The following MECR variants were observed in gnomAD, a reference collection of about 807,000 sequenced individuals.
MECR encodes enoyl-[acyl-carrier-protein] reductase, mitochondrial.
Under a neutral mutation model 49.1 loss-of-function variants are expected in MECR, and 37 were observed. The observed-to-expected ratio is 0.75, with a 90% CI of 0.58 to 0.99. MECR has a LOEUF of 0.99. Ranked by LOEUF, MECR falls within the 50% of genes least tolerant of loss-of-function variation. The pLI is 0.00. For synonymous variants in MECR, 198 were observed against 191.1 expected (o/e 1.04, Z -0.30); for missense variants, 470 against 479.6 (o/e 0.98, Z 0.19).
the MECR span, among the ~76,000 whole-genome samples, chr1:29,176,545 A>T: frequency 0.027 from 4,049 of 152,170 alleles, 161 homozygotes; most frequent in African/African-American, 0.093. Flanking sequence ...GAAACCAGCA[A>T]CCTGGAACAT....
chr1:29,181,801 GGCGGCGGGCAAAGCGAGAGCACGGCGGCA>G, the MECR span: 1 of 1,486,852 alleles, frequency 6.7e-7, no homozygotes, highest in Non-Finnish European at 9.0e-7. Context: ...CCCCTTAGGC[GGCGGCGGGCAAAGCGAGAGCACGGCGGCA>G]GCGGCGGCGG....
chr1:29,174,643 A>G, the MECR span, among the ~76,000 whole-genome samples: 1 of 151,280 alleles, frequency 6.6e-6, no homozygotes, highest in African/African-American at 2.4e-5. Context: ...CAGGAGAGGC[A>G]TAAGAAAAGG....
chr1:29,206,055 G>A (rs1486981742), intron 4 of MECR, among the ~76,000 whole-genome samples: 1 of 152,178 alleles, frequency 6.6e-6, no homozygotes, highest in Non-Finnish European at 1.5e-5. Context: ...CTGGACCTCA[G>A]TTTTCCCATT....
chr1:29,173,011 T>A, the MECR span: 1 of 152,100 alleles, frequency 6.6e-6, no homozygotes, highest in Non-Finnish European at 1.5e-5. Flanking sequence ...GACACAAAAT[T>A]GCACGTAAAA....
intron 3 of MECR, among the ~76,000 whole-genome samples, chr1:29,215,748 G>A (rs1018055370): frequency 1.3e-5 from 2 of 152,094 alleles, no homozygotes; most frequent in African/African-American, 4.8e-5. Context: ...GTAGGCGCCT[G>A]TAATCCCAGC....
chr1:29,228,646 T>C (rs1682709876), intron 1 of MECR, among the ~76,000 whole-genome samples: 1 of 152,082 alleles, frequency 6.6e-6, no homozygotes, highest in South Asian at 2.1e-4. Context: ...TAGAGGGAAA[T>C]TACTGAAGTT....
At chr1:29,178,302 TCTTCAAAGAC>T in the MECR span, among the ~76,000 whole-genome samples, 1 of 151,804 alleles carries the variant, frequency 6.6e-6, no homozygotes, top group Non-Finnish European at 1.5e-5. Flanking sequence ...CTCCAGCAAT[TCTTCAAAGAC>T]CTATCTAAAG....
chr1:29,181,567 C>T, the MECR span: 15 of 1,266,310 alleles, frequency 1.2e-5, no homozygotes, highest in Non-Finnish European at 1.2e-5. Flanking sequence ...GACCAGGCGT[C>T]CCTCTCCCGT....
chr1:29,168,291 A>G, the MECR span, among the ~76,000 whole-genome samples: 1 of 149,844 alleles, frequency 6.7e-6, no homozygotes, highest in South Asian at 2.1e-4. Context: ...TTGGCCTCCC[A>G]AAGTGCTAGA....
chr1:29,170,137 G>C, the MECR span: 1 of 152,108 alleles, frequency 6.6e-6, no homozygotes, highest in Non-Finnish European at 1.5e-5. Flanking sequence ...TCAATTTTCT[G>C]ACACTTTTCA....
chr1:29,226,539 T>C (rs963114341), intron 1 of MECR, among the ~76,000 whole-genome samples: 1 of 152,200 alleles, frequency 6.6e-6, no homozygotes, highest in African/African-American at 2.4e-5. Context: ...TGAGATCATC[T>C]TGGGCAACAT....
At chr1:29,211,755 C>T (rs1678072540) in intron 3 of MECR, among the ~76,000 whole-genome samples, 2 of 152,310 alleles carry the variant, frequency 1.3e-5, no homozygotes, top group Admixed American at 1.3e-4. Flanking sequence ...TGTGCTTCCT[C>T]AGGAAGGTTT....
In MECR at chr1:29,223,321, A is replaced by AG. The variant is rs1294911528; in HGVS notation, c.177-6637dup. 1.1e-5 allele frequency: 11 copies of AG among 983,538 alleles called. No homozygotes were observed. In the South Asian group the frequency reaches 2.8e-4, roughly 25 times the overall value. The allele number at this position is 983,538 out of a possible 1,614,324, so 60.9% of individuals were successfully genotyped here. A position where few individuals can be genotyped will look rare whatever the true frequency, so the allele number is the denominator to read the frequency against. On this transcript the variant is annotated intron_variant, in intron 1 of 9. Coordinates refer to ENST00000263702, the MANE Select transcript of MECR (RefSeq NM_016011.5). ...CAGGCAGAAGAAAGAGCCTTTTGAG[A>AG]GGGGGGAAAAGAGGCCAGTACCCTG...
rs111810194 is a variant in MECR, at chr1:29,201,290, C to T, written c.756+653G>A. 17 of 461,900 alleles carry T rather than the reference C, an allele frequency of 3.7e-5. No individual in the cohort carries two copies. The highest frequency in any genetic ancestry group is 1.0e-4 in the African/African-American group (5 of 49,232). 28.6% of individuals were successfully genotyped at this position (461,900 alleles called of 1,614,324 possible). A position where few individuals can be genotyped will look rare whatever the true frequency, so the allele number is the denominator to read the frequency against. On this transcript the variant is annotated intron_variant, in intron 6 of 9. Transcript: ENST00000263702. This position sits in a 1 kb window ranked among gnomAD's most constrained non-coding sequence, Gnocchi z 4.3. ...GCTGATCTACTGCTTCAGAAATGTT[C>T]GCAAGAAGCGCATGCTCTTGAGTGT... is the stretch of plus-strand genomic sequence containing the variant.
chr1:29,208,214 A>T, intron 3 of MECR, among the ~76,000 whole-genome samples: 1 of 151,828 alleles, frequency 6.6e-6, no homozygotes. Flanking sequence ...CTGGTCTCGA[A>T]CTCCTGACCA....
the MECR span, chr1:29,172,365 C>T: frequency 1.3e-5 from 2 of 151,874 alleles, no homozygotes; most frequent in Non-Finnish European, 2.9e-5. Flanking sequence ...TGTGATCTCA[C>T]ACTGCAACTT....
At chr1:29,211,088 GTTTTT>G (rs112758931) in intron 3 of MECR, among the ~76,000 whole-genome samples, 115 of 144,168 alleles carry the variant, frequency 8.0e-4, no homozygotes, top group African/African-American at 2.8e-3. Context: ...TAAATAAAGG[GTTTTT>G]TTTTTTTTTG....
chr1:29,176,565 T>C, the MECR span, among the ~76,000 whole-genome samples: 1 of 151,624 alleles, frequency 6.6e-6, no homozygotes, highest in Non-Finnish European at 1.5e-5. Context: ...TTAAACTAAC[T>C]ATATACTTCC....
intron 9 of MECR, among the ~76,000 whole-genome samples, chr1:29,195,691 T>C (rs948646011): frequency 2.0e-5 from 3 of 152,226 alleles, no homozygotes; most frequent in Admixed American, 6.5e-5. Context: ...TGTTTGGCTA[T>C]CCATCTTTCC....
Sources: gnomAD v4.1 joint callset for allele counts (sites outside exome capture counted in the v4.1 genomes callset) on GRCh38, gnomAD v4.1.1 for gene constraint, Gnocchi (gnomAD v3.1) non-coding constraint, MANE v1.5 for transcripts, NCBI Gene and HGNC (gene_info 2026-07-23, HGNC 2026-07-21) for gene names.